TSHZ2: variants seen among roughly 807,000 people sequenced by gnomAD.
The protein encoded by TSHZ2 is teashirt zinc finger homeobox 2, also known as teashirt homolog 2.
Under a neutral mutation model 74.4 loss-of-function variants are expected in TSHZ2, and 21 were observed. The ratio of observed to expected loss-of-function variants is 0.28; its 90% CI spans 0.20 to 0.41. TSHZ2 has a LOEUF of 0.41. Among genes scored for constraint, TSHZ2 ranks in the 10% least tolerant of loss-of-function variants. The pLI is 1.00. For missense variants in TSHZ2, 1,244 were observed against 1,293.5 expected (o/e 0.96, Z 0.59); for synonymous variants, 540 against 515.3 (o/e 1.05, Z -0.65).
At chr20:53,148,077 G>T (rs1052189014) in intron 1 of TSHZ2, among the ~76,000 whole-genome samples, 3 of 152,186 alleles carry the variant, frequency 2.0e-5, no homozygotes, top group African/African-American at 4.8e-5. Flanking sequence ...AGAGGCATTT[G>T]CACAAACCTG....
In TSHZ2 at chr20:53,268,532, C is replaced by G. The variant is rs573832128; in HGVS notation, c.*8+11961C>G. Among the ~76,000 whole-genome samples the G allele has an allele frequency of 1.1e-3, 165 of 152,306 alleles. 2 individuals carry two copies. The highest frequency in any genetic ancestry group is 3.9e-3 in the Admixed American group (60 of 15,294). ...TGGCTAAGCATGTGCGGGATGGAAC[C>G]GGTCTTCCTGGGCTTACATCTTTGC... is the stretch of plus-strand genomic sequence containing the variant. On this transcript the variant is annotated intron_variant, in intron 2 of 2. Coordinates refer to ENST00000371497, the MANE Select transcript of TSHZ2 (RefSeq NM_173485.6).
At chr20:53,087,815 T>C (rs1985745487) in intron 1 of TSHZ2, among the ~76,000 whole-genome samples, 1 of 152,204 alleles carries the variant, frequency 6.6e-6, no homozygotes, top group South Asian at 2.1e-4. Context: ...TTGGATTAAA[T>C]CCAAGGACAG....
At chr20:53,388,121 C>T (rs368153358) in intron 2 of TSHZ2, among the ~76,000 whole-genome samples, 6 of 151,854 alleles carry the variant, frequency 4.0e-5, no homozygotes, top group African/African-American at 9.7e-5. Flanking sequence ...ATCAAACTGA[C>T]GCAGGAGATT....
chr20:53,151,678 T>C (rs796461879), intron 1 of TSHZ2, among the ~76,000 whole-genome samples: 21 of 152,354 alleles, frequency 1.4e-4, no homozygotes, highest in African/African-American at 4.1e-4. Flanking sequence ...AAAAAACTTT[T>C]GGTATTCAGA....
At chr20:53,356,358 G>C (rs1185351353) in intron 2 of TSHZ2, among the ~76,000 whole-genome samples, 1 of 152,130 alleles carries the variant, frequency 6.6e-6, no homozygotes, top group Non-Finnish European at 1.5e-5. Flanking sequence ...CTTAACCACT[G>C]CCCTACCCTT....
chr20:53,192,302 A>AAC (rs1478457667), intron 1 of TSHZ2, among the ~76,000 whole-genome samples: 1 of 152,034 alleles, frequency 6.6e-6, no homozygotes, highest in Non-Finnish European at 1.5e-5. Context: ...TAAAAAAAAA[A>AAC]AAAAACAAAA....
At chr20:53,050,091 AT>A (rs1173636379) in intron 1 of TSHZ2, among the ~76,000 whole-genome samples, 1 of 113,806 alleles carries the variant, frequency 8.8e-6, no homozygotes, top group African/African-American at 3.9e-5. Flanking sequence ...AAAAAAAAAA[AT>A]GTATATGTGT....
At chr20:53,206,322 C>T (rs1052860850) in intron 1 of TSHZ2, among the ~76,000 whole-genome samples, 1 of 152,240 alleles carries the variant, frequency 6.6e-6, no homozygotes, top group Non-Finnish European at 1.5e-5. Flanking sequence ...TGTGCCAGCA[C>T]AGTCCCTGGC....
intron 1 of TSHZ2, among the ~76,000 whole-genome samples, chr20:53,077,375 C>T (rs1355930180): frequency 4.0e-5 from 6 of 148,164 alleles, no homozygotes; most frequent in Non-Finnish European, 8.9e-5. Context: ...TGTGCCACTG[C>T]ACTGCAGCCA....
chr20:53,157,340 T>G (rs1987819754), intron 1 of TSHZ2, among the ~76,000 whole-genome samples: 1 of 152,052 alleles, frequency 6.6e-6, no homozygotes, highest in South Asian at 2.1e-4. Flanking sequence ...TTTCTGGAAC[T>G]CTCTATAAAT....
chr20:53,098,314 T>C (rs2801002), intron 1 of TSHZ2, among the ~76,000 whole-genome samples: 25,792 of 152,234 alleles, frequency 0.17, 2,556 homozygotes, highest in East Asian at 0.42. Flanking sequence ...TGTCTATGTC[T>C]GGGGTAGTAA....
At chr20:53,130,926 C>T (rs1440522621) in intron 1 of TSHZ2, among the ~76,000 whole-genome samples, 2 of 152,234 alleles carry the variant, frequency 1.3e-5, no homozygotes, top group African/African-American at 4.8e-5. Context: ...CACTTCTTTG[C>T]ATGCAAAATG....
chr20:53,420,368 A>C (rs1211736977), intron 2 of TSHZ2, among the ~76,000 whole-genome samples: 1 of 152,202 alleles, frequency 6.6e-6, no homozygotes, highest in East Asian at 1.9e-4. Flanking sequence ...CCCAGAGGTG[A>C]ATTTGGATTG....
chr20:53,022,311 C>T lies in TSHZ2; in HGVS notation c.40+48978C>T, dbSNP rs542979537. On this transcript the variant is annotated intron_variant, in intron 1 of 2. Transcript: ENST00000371497. The stretch of plus-strand genomic sequence containing the variant: ...TTTAACACAGATCTCCGGTGTTAAC[C>T]GTGGGATTTATCTGTCTTTTAGGGA... Among the ~76,000 whole-genome samples, 298 of 152,268 alleles carry T rather than the reference C, an allele frequency of 2.0e-3. 1 individual carries two copies. Among genetic ancestry groups the T allele is most frequent in the African/African-American group, 6.8e-3 (282 of 41,542 alleles).
chr20:52,996,282 GTTC>G (rs895792960), intron 1 of TSHZ2, among the ~76,000 whole-genome samples: 3 of 151,752 alleles, frequency 2.0e-5, no homozygotes, highest in Admixed American at 6.6e-5. Context: ...AAGGCCGAAA[GTTC>G]TTCTCAACTT....
At chr20:53,155,863 G>A (rs1987782430) in intron 1 of TSHZ2, among the ~76,000 whole-genome samples, 2 of 152,074 alleles carry the variant, frequency 1.3e-5, no homozygotes, top group South Asian at 4.1e-4. Flanking sequence ...TCCATCACTG[G>A]CTGTCTGGGT....
At chr20:53,473,746 T>A (rs1031097336) in intron 2 of TSHZ2, among the ~76,000 whole-genome samples, 10 of 151,784 alleles carry the variant, frequency 6.6e-5, no homozygotes, top group African/African-American at 2.4e-4. Context: ...GGCAAAGAAG[T>A]TGAAAACTTT....
At chr20:53,041,235 A>G (rs896568882) in intron 1 of TSHZ2, among the ~76,000 whole-genome samples, 1 of 152,230 alleles carries the variant, frequency 6.6e-6, no homozygotes, top group East Asian at 1.9e-4. Context: ...CAAGTTGGAC[A>G]TAAGGGCTCA....
rs141203525 is a variant in TSHZ2 at position 53,032,321 on chromosome 20, T to A, written c.40+58988T>A. Among the ~76,000 whole-genome samples the A allele has an allele frequency of 1.0e-3, 155 of 152,354 alleles. 1 individual carries two copies. In the Middle Eastern group the frequency reaches 0.014, roughly 13 times the overall value. ...GTTTGAACTAATTTGATGAATCAAC[T>A]TGATGTTCTCCCATAGCCCCCATAA... On this transcript the variant is annotated intron_variant, in intron 1 of 2. Coordinates refer to ENST00000371497, the MANE Select transcript of TSHZ2 (RefSeq NM_173485.6).
Sources: allele counts gnomAD v4.1 joint callset (sites outside exome capture counted in the v4.1 genomes callset), GRCh38; gene constraint gnomAD v4.1.1; transcripts MANE v1.5; gene names NCBI Gene and HGNC (gene_info 2026-07-23, HGNC 2026-07-21).